SORCS2: variants seen among roughly 807,000 people sequenced by gnomAD.
SORCS2 encodes sortilin related VPS10 domain containing receptor 2.
In SORCS2, 100 loss-of-function variants were observed where a neutral mutation model predicts 141.6. The ratio of observed to expected loss-of-function variants is 0.71; its 90% CI spans 0.60 to 0.83. The LOEUF (loss-of-function observed/expected upper bound fraction) is 0.83, where lower values mean the gene tolerates loss of function less well. SORCS2 is among the 40% of genes least tolerant of loss of function. The pLI is 0.00. For synonymous variants in SORCS2, 789 were observed against 676.9 expected (o/e 1.17, Z -2.57); for missense variants, 1,646 against 1,560.2 (o/e 1.05, Z -0.93).
At chr4:7,302,926 C>A (rs947095482) in intron 1 of SORCS2, among the ~76,000 whole-genome samples, 1 of 152,124 alleles carries the variant, frequency 6.6e-6, no homozygotes, top group African/African-American at 2.4e-5. Flanking sequence ...ATCACACATT[C>A]GTAATTGAGG....
intron 3 of SORCS2, among the ~76,000 whole-genome samples, chr4:7,533,606 C>T (rs1711848575): frequency 6.6e-6 from 1 of 152,210 alleles, no homozygotes; most frequent in African/African-American, 2.4e-5. Flanking sequence ...ATGGTACCTC[C>T]AGGGTCAGCC....
chr4:7,727,008 G>A, intron 21 of SORCS2, 105 bp downstream of exon 21: 1 of 1,376,632 alleles, frequency 7.3e-7, no homozygotes, highest in Non-Finnish European at 9.7e-7. Flanking sequence ...TGGTCACCCT[G>A]AGTGGCCCTG....
At chr4:7,465,095 G>A (rs1048244869) in intron 2 of SORCS2, among the ~76,000 whole-genome samples, 1 of 152,224 alleles carries the variant, frequency 6.6e-6, no homozygotes, top group African/African-American at 2.4e-5. Flanking sequence ...GACAGTATTA[G>A]CTTCTCATGG....
chr4:7,542,886 T>C (rs947054316), intron 3 of SORCS2, among the ~76,000 whole-genome samples: 4 of 152,198 alleles, frequency 2.6e-5, no homozygotes, highest in Non-Finnish European at 5.9e-5. Flanking sequence ...CCACCCACGC[T>C]TCCTCTTCCC....
At chr4:7,721,745 C>G (rs2109057327) in intron 18 of SORCS2, among the ~76,000 whole-genome samples, 1 of 152,306 alleles carries the variant, frequency 6.6e-6, no homozygotes, top group Non-Finnish European at 1.5e-5. Context: ...CTGTCTCTTT[C>G]CTGTATCAGT....
chr4:7,251,686 T>C (rs899671775), intron 1 of SORCS2, among the ~76,000 whole-genome samples: 1 of 152,282 alleles, frequency 6.6e-6, no homozygotes, highest in Non-Finnish European at 1.5e-5. Context: ...CACGTCTGCA[T>C]TCCAGGCAGG....
chr4:7,614,631 A>C (rs1718637503), intron 3 of SORCS2, among the ~76,000 whole-genome samples: 1 of 144,028 alleles, frequency 6.9e-6, no homozygotes, highest in African/African-American at 2.6e-5. Flanking sequence ...CCACCCATCA[A>C]TCCATTTATC....
Position 7,322,308 on chromosome 4 carries a change from C to A in SORCS2, c.481-73980C>A, listed in dbSNP as rs777743620. Among the ~76,000 whole-genome samples the A allele has an allele frequency of 1.1e-4, 17 of 152,234 alleles. No homozygotes were observed. The Middle Eastern group carries it at 0.014, about 122-fold the overall frequency. On this transcript the variant is annotated intron_variant, in intron 1 of 26. Transcript: ENST00000507866. Reference sequence around the variant, plus strand: ...AGGAGGAGCCTCGTGGTGGCCATGCCCCCTCTGTCCTGGGCCCTGGCATGC... The same window carrying A: ...AGGAGGAGCCTCGTGGTGGCCATGCACCCTCTGTCCTGGGCCCTGGCATGC...
rs182257221 is a variant in SORCS2, at chr4:7,673,546, A to C, written c.1162-2504A>C. Among the ~76,000 whole-genome samples, 15 of 152,290 alleles carry C rather than the reference A, an allele frequency of 9.8e-5. No homozygotes were observed. In the East Asian group the frequency reaches 2.7e-3, roughly 27 times the overall value. On this transcript the variant is annotated intron_variant, in intron 8 of 26. Transcript: ENST00000507866. ...TGTGATGTAAAGGGGCAGACTATAA[A>C]CTACACATGAAAAAAATATGTGCAC...
intron 3 of SORCS2, among the ~76,000 whole-genome samples, chr4:7,637,451 C>T (rs1004210020): frequency 5.3e-5 from 8 of 152,222 alleles, no homozygotes; most frequent in Non-Finnish European, 1.0e-4. Flanking sequence ...GAATTTTAGA[C>T]AGGGTCTTTG....
chr4:7,656,715 G>A (rs1291409220), intron 5 of SORCS2, among the ~76,000 whole-genome samples: 1 of 152,236 alleles, frequency 6.6e-6, no homozygotes, highest in Non-Finnish European at 1.5e-5. Flanking sequence ...CCCAGGGAAA[G>A]CCTCAGCCTT....
intron 11 of SORCS2, among the ~76,000 whole-genome samples, chr4:7,691,941 GC>G (rs538515024): frequency 6.6e-5 from 10 of 151,986 alleles, no homozygotes; most frequent in Non-Finnish European, 1.2e-4. Context: ...ACCGAGAGCA[GC>G]CCCCCTCACT....
In SORCS2 at chr4:7,265,481, C is replaced by G. The variant is rs561223790; in HGVS notation, c.480+72355C>G. Among the ~76,000 whole-genome samples the G allele has an allele frequency of 2.3e-4, 34 of 148,386 alleles. No individual in the cohort carries two copies. The South Asian group carries it at 5.7e-3, about 25-fold the overall frequency. ...ACTCCAGCCTGGTGACAGAGTGAGACTCCATCTCAAAAAAATAAATAAAAG... is the reference window on the plus strand; with the variant it reads ...ACTCCAGCCTGGTGACAGAGTGAGAGTCCATCTCAAAAAAATAAATAAAAG... On this transcript the variant is annotated intron_variant, in intron 1 of 26. Transcript: ENST00000507866.
intron 2 of SORCS2, among the ~76,000 whole-genome samples, chr4:7,467,577 G>A (rs1174556155): frequency 1.3e-5 from 2 of 152,200 alleles, no homozygotes; most frequent in Admixed American, 6.5e-5. Flanking sequence ...TATGCCACTT[G>A]GAGGCTGCCT....
At chr4:7,645,108 C>T (rs1014292957) in intron 4 of SORCS2, among the ~76,000 whole-genome samples, 1 of 152,224 alleles carries the variant, frequency 6.6e-6, no homozygotes, top group Non-Finnish European at 1.5e-5. Context: ...GCTTTATTAC[C>T]TTGCTCACAG....
chr4:7,319,192 T>A (rs1718748132), intron 1 of SORCS2, among the ~76,000 whole-genome samples: 1 of 151,856 alleles, frequency 6.6e-6, no homozygotes, highest in Non-Finnish European at 1.5e-5. Context: ...TTTTTTAACA[T>A]GTCTTGTAAT....
intron 1 of SORCS2, among the ~76,000 whole-genome samples, chr4:7,327,810 C>CA (rs971607247): frequency 8.6e-5 from 13 of 152,012 alleles, no homozygotes; most frequent in Admixed American, 5.9e-4. Context: ...ACCGCCCCCC[C>CA]CAACCCCGCC....
At chr4:7,322,650 C>T (rs141621894) in intron 1 of SORCS2, among the ~76,000 whole-genome samples, 4 of 152,342 alleles carry the variant, frequency 2.6e-5, no homozygotes, top group African/African-American at 7.2e-5. Flanking sequence ...CCCCCTTGTC[C>T]AGCCGCTCAA....
At chr4:7,477,772 C>T (rs1302238051) in intron 2 of SORCS2, among the ~76,000 whole-genome samples, 2 of 152,174 alleles carry the variant, frequency 1.3e-5, no homozygotes, top group African/African-American at 4.8e-5. Flanking sequence ...CATGAAGATC[C>T]ATCCCAGAAT....
Sources: allele counts gnomAD v4.1 joint callset (sites outside exome capture counted in the v4.1 genomes callset), GRCh38; gene constraint gnomAD v4.1.1; transcripts MANE v1.5; gene names NCBI Gene and HGNC (gene_info 2026-07-23, HGNC 2026-07-21).